Variants in COL17A1 observed in about 807,000 individuals in gnomAD.
COL17A1 encodes collagen type XVII alpha 1 chain.
A neutral mutation model predicts 218.4 loss-of-function variants in COL17A1; 181 were observed. The observed-to-expected ratio is 0.83, with a 90% CI of 0.73 to 0.94. The LOEUF (loss-of-function observed/expected upper bound fraction) is 0.94. Among genes scored for constraint, COL17A1 ranks in the 40% least tolerant of loss-of-function variants. COL17A1 has a pLI of 0.00. For synonymous variants in COL17A1, 721 were observed against 731.0 expected (o/e 0.99, Z 0.22); for missense variants, 1,924 against 1,945.9 (o/e 0.99, Z 0.21).
intron 11 of COL17A1, 113 bp from the exon 12 acceptor site, chr10:104,062,442 AT>A: frequency 7.0e-7 from 1 of 1,426,654 alleles, no homozygotes; most frequent in African/African-American, 1.4e-5. Context: ...TTGCCAACAG[AT>A]TCCCAAACTT....
In COL17A1 at chr10:104,078,449, C is replaced by A. The variant is rs780814901; in HGVS notation, c.97+93G>T. 3.2e-4 allele frequency: 492 copies of A among 1,552,786 alleles called. 2 individuals are homozygous for A. The highest frequency in any genetic ancestry group is 4.2e-4 in the Non-Finnish European group (470 of 1,131,526). ...TCAATATAGCTGTTAAAAAAGATGTCAAAAATTTTGGAGCTCCCATGGAAA... is the reference window on the plus strand; with the variant it reads ...TCAATATAGCTGTTAAAAAAGATGTAAAAAATTTTGGAGCTCCCATGGAAA... On this transcript the variant is annotated intron_variant, in intron 3 of 55. Coordinates refer to ENST00000648076, the MANE Select transcript of COL17A1 (RefSeq NM_000494.4).
chr10:104,074,318 C>A, intron 5 of COL17A1, 87 bp from the exon 6 acceptor site: 1 of 1,586,618 alleles, frequency 6.3e-7, no homozygotes, highest in Non-Finnish European at 8.6e-7. Context: ...TTACTTATTT[C>A]TGGACCTCCA....
At chr10:104,040,095 G>A in intron 40 of COL17A1, 96 bp from the exon 41 acceptor site, 1 of 1,415,208 alleles carries the variant, frequency 7.1e-7, no homozygotes, top group Non-Finnish European at 1.0e-6. Context: ...TCCAATGCTA[G>A]AGCAGATATA....
At chr10:104,081,501 TAAACACACAG>T (rs2086764405) in intron 1 of COL17A1, among the ~76,000 whole-genome samples, 2 of 152,210 alleles carry the variant, frequency 1.3e-5, no homozygotes, top group Admixed American at 6.5e-5. Context: ...GCTCAAGTCT[TAAACACACAG>T]GAATGCACAG....
At chr10:104,064,742 G>T (rs1206824653) in intron 9 of COL17A1, 146 bp from the exon 10 acceptor site, 2 of 787,250 alleles carry the variant, frequency 2.5e-6, no homozygotes, top group East Asian at 5.3e-5. Flanking sequence ...CAGGAACCTG[G>T]GGTAGTTTCC....
At position 104,050,950 on chromosome 10, in the gene COL17A1, G is replaced by C. The variant is rs115583346; in HGVS notation, c.2039-49C>G. 4 of 1,613,316 alleles carry C rather than the reference G, an allele frequency of 2.5e-6. No individual in the cohort carries two copies. The Admixed American group carries it at 6.7e-5, about 27-fold the overall frequency. On this transcript the variant is annotated intron_variant, in intron 25 of 55. Transcript: ENST00000648076. ...ACACAGATGAGTATCCCTAGCTTTG[G>C]AATGATGAGACATGTATGCACACAC... is the stretch of plus-strand genomic sequence containing the variant.
At chr10:104,057,764 G>A (rs1280779050) in intron 16 of COL17A1, among the ~76,000 whole-genome samples, 1 of 152,168 alleles carries the variant, frequency 6.6e-6, no homozygotes, top group Non-Finnish European at 1.5e-5. Flanking sequence ...CTATCACACG[G>A]CGGTGGAAGG....
intron 5 of COL17A1, among the ~76,000 whole-genome samples, chr10:104,075,619 T>C (rs1589577606): frequency 6.6e-6 from 1 of 152,266 alleles, no homozygotes. Flanking sequence ...GTTCCAGTCC[T>C]GGACCTAAAA....
chr10:104,080,986 C>T (rs998876838), intron 1 of COL17A1, among the ~76,000 whole-genome samples: 10 of 152,182 alleles, frequency 6.6e-5, no homozygotes, highest in African/African-American at 2.4e-4. Flanking sequence ...GGTGTCCTGA[C>T]CTTTGTTTGA....
At chr10:104,050,508 T>G (rs934369144) in intron 27 of COL17A1, 113 bp downstream of exon 27, 2 of 1,562,354 alleles carry the variant, frequency 1.3e-6, no homozygotes, top group Non-Finnish European at 1.8e-6. Context: ...TGGATTAGAA[T>G]GAGATCTTGG....
At chr10:104,039,795 C>T (rs1314692111) in intron 41 of COL17A1, among the ~76,000 whole-genome samples, 155 bp from the exon 42 acceptor site, 4 of 128,004 alleles carry the variant, frequency 3.1e-5, no homozygotes, top group African/African-American at 1.2e-4. Context: ...CACACACACA[C>T]GCACACGCAC....
intron 44 of COL17A1, among the ~76,000 whole-genome samples, chr10:104,038,761 G>T (rs1188229841): frequency 6.6e-6 from 1 of 152,032 alleles, no homozygotes; most frequent in East Asian, 1.9e-4. Context: ...CTTTCCTTCT[G>T]CAACCTGCTG....
chr10:104,044,239 G>T (rs1400126210), intron 33 of COL17A1, among the ~76,000 whole-genome samples: 2 of 152,222 alleles, frequency 1.3e-5, no homozygotes, highest in Admixed American at 1.3e-4. Context: ...GAGGCGATGA[G>T]CCCGCCAGGT....
At chr10:104,084,073 A>T (rs1307991057) in intron 1 of COL17A1, among the ~76,000 whole-genome samples, 2 of 152,174 alleles carry the variant, frequency 1.3e-5, no homozygotes, top group Non-Finnish European at 2.9e-5. Context: ...GTAACACCCC[A>T]GAGATGGGTT....
chr10:104,057,180 A>G lies in COL17A1; in HGVS notation c.1268-8T>C. On this transcript the variant is annotated splice_region_variant and splice_polypyrimidine_tract_variant and intron_variant, in intron 16 of 55. Transcript: ENST00000648076. ...TGCCGTAGCTGTGGATATCTGTGAA[A>G]GAGACAGGGAAAATGAAGCAAATGC... 6.2e-7 allele frequency: 1 copy of G among 1,613,964 alleles called. No homozygotes were observed. The highest frequency in any genetic ancestry group is 8.5e-7 in the Non-Finnish European group (1 of 1,179,914).
chr10:104,054,021 C>T, intron 21 of COL17A1, 39 bp from the exon 22 acceptor site: 4 of 1,612,792 alleles, frequency 2.5e-6, no homozygotes, highest in Non-Finnish European at 3.4e-6. Flanking sequence ...CTGTTTTCCT[C>T]CCAGAAGCCA....
chr10:104,084,913 A>G (rs1408943901), intron 1 of COL17A1, among the ~76,000 whole-genome samples: 1 of 152,234 alleles, frequency 6.6e-6, no homozygotes, highest in Non-Finnish European at 1.5e-5. Context: ...CTACTTCTCA[A>G]AAGAAGGAAT....
intron 19 of COL17A1, 44 bp from the exon 20 acceptor site, chr10:104,055,051 C>T: frequency 1.9e-6 from 3 of 1,613,346 alleles, no homozygotes; most frequent in Non-Finnish European, 2.5e-6. Context: ...GGGCAAGAAC[C>T]CAAAGGCCAT....
At position 104,034,119 on chromosome 10, in the gene COL17A1, C is replaced by T; in HGVS notation, c.3982G>A (p.Gly1328Ser). ...AGSLGAGGAF[G>S]EAAGDRGPYG... The stretch of plus-strand genomic sequence containing the variant: ...GGACCCCTGTCTCCTGCAGCTTCAC[C>T]AAAGGCACCGCCTGCACCCAGGGAG... The change falls in exon 52 of 56, where the codon GGT becomes AGT. Residue 1328 changes from glycine (G) to serine (S), a missense_variant. Physicochemically the swap from Gly to Ser is moderately conservative, Grantham distance 56. Transcript: ENST00000648076. 1 of 1,614,106 alleles carries T rather than the reference C, an allele frequency of 6.2e-7. No homozygotes were observed. Among genetic ancestry groups the T allele is most frequent in the Non-Finnish European group, 8.5e-7 (1 of 1,180,022 alleles).
Sources: allele counts gnomAD v4.1 joint callset (sites outside exome capture counted in the v4.1 genomes callset), GRCh38; gene constraint gnomAD v4.1.1; transcripts MANE v1.5; gene names NCBI Gene and HGNC (gene_info 2026-07-23, HGNC 2026-07-21).